The following BBS9 variants were observed in gnomAD, a reference collection of about 807,000 sequenced individuals.
BBS9 encodes the protein Bardet-Biedl syndrome 9.
In BBS9, 89 loss-of-function variants were observed where a neutral mutation model predicts 117.7. That is an observed-to-expected ratio of 0.76 (90% CI 0.64 to 0.90). BBS9 has a LOEUF of 0.90. Among genes scored for constraint, BBS9 ranks in the 40% least tolerant of loss-of-function variants. BBS9 has a pLI of 0.00. For missense variants in BBS9, 982 were observed against 1,042.2 expected (o/e 0.94, Z 0.80); for synonymous variants, 379 against 370.9 (o/e 1.02, Z -0.25).
chr7:33,392,672 G>C (rs1252102136), intron 19 of BBS9, among the ~76,000 whole-genome samples: 2 of 151,822 alleles, frequency 1.3e-5, no homozygotes, highest in African/African-American at 4.9e-5. Flanking sequence ...TATTTTAAAC[G>C]AACAGTTCTT....
At chr7:33,186,954 T>G (rs1463997672) in intron 5 of BBS9, among the ~76,000 whole-genome samples, 2 of 152,214 alleles carry the variant, frequency 1.3e-5, no homozygotes, top group African/African-American at 2.4e-5. Context: ...ATTTAAGATA[T>G]GTTAGTAATA....
intron 19 of BBS9, among the ~76,000 whole-genome samples, chr7:33,472,611 G>A (rs961998471): frequency 2.6e-5 from 4 of 152,332 alleles, no homozygotes; most frequent in African/African-American, 9.6e-5. Flanking sequence ...TTAGTTAACT[G>A]CTTGAGAGAT....
chr7:33,533,872 T>C, intron 20 of BBS9, 82 bp from the exon 21 acceptor site: 2 of 1,448,466 alleles, frequency 1.4e-6, no homozygotes, highest in Non-Finnish European at 1.9e-6. Flanking sequence ...ACATAAACAC[T>C]CAATAATCTG....
At chr7:33,602,248 TC>T (rs1421399459) in intron 21 of BBS9, among the ~76,000 whole-genome samples, 1 of 152,134 alleles carries the variant, frequency 6.6e-6, no homozygotes, top group Non-Finnish European at 1.5e-5. Flanking sequence ...GAACTAATCA[TC>T]TGGCATATTC....
chr7:33,560,381 T>G (rs1855911831), intron 21 of BBS9, among the ~76,000 whole-genome samples: 1 of 152,190 alleles, frequency 6.6e-6, no homozygotes, highest in Non-Finnish European at 1.5e-5. Flanking sequence ...CCTTTCTAAA[T>G]GAAGACATTT....
intron 19 of BBS9, among the ~76,000 whole-genome samples, chr7:33,417,658 G>T (rs1832223943): frequency 6.6e-6 from 1 of 152,220 alleles, no homozygotes; most frequent in Non-Finnish European, 1.5e-5. Flanking sequence ...TGGGAATTAA[G>T]AATGTTTTAG....
At chr7:33,522,403 C>A (rs1450007929) in intron 20 of BBS9, among the ~76,000 whole-genome samples, 1 of 150,450 alleles carries the variant, frequency 6.6e-6, no homozygotes, top group Non-Finnish European at 1.5e-5. Flanking sequence ...TCCTCTCCAG[C>A]ACCTGTTGTT....
rs1563251454 is a variant in BBS9, at chr7:33,492,209, A to AAC, written c.2116-13253_2116-13252insCA. Among the ~76,000 whole-genome samples the AAC allele has an allele frequency of 1.4e-5, 2 of 147,794 alleles. 1 individual carries two copies. The highest frequency in any genetic ancestry group is 4.0e-4 in the East Asian group (2 of 5,006). On this transcript the variant is annotated intron_variant, in intron 19 of 22. Transcript: ENST00000242067. Reference sequence around the variant, plus strand: ...CAAAGCAAGATTCCACCTCGAAAAAAAAAACAAAAAAAAAACAAAAAAAAA... The same window carrying AAC: ...CAAAGCAAGATTCCACCTCGAAAAAAACAAAACAAAAAAAAAACAAAAAAAAA...
At chr7:33,624,158 G>A (rs964027188) in intron 21 of BBS9, among the ~76,000 whole-genome samples, 2 of 152,154 alleles carry the variant, frequency 1.3e-5, no homozygotes, top group Non-Finnish European at 2.9e-5. Context: ...TTGGCCAAAA[G>A]AGCTTTTTGT....
At chr7:33,604,587 G>T (rs2129207158) in intron 21 of BBS9, among the ~76,000 whole-genome samples, 1 of 152,252 alleles carries the variant, frequency 6.6e-6, no homozygotes, top group South Asian at 2.1e-4. Flanking sequence ...GATAGGTTTT[G>T]TCCTTTCTGA....
chr7:33,208,001 G>A (rs1398361429), intron 5 of BBS9, among the ~76,000 whole-genome samples: 1 of 151,918 alleles, frequency 6.6e-6, no homozygotes, highest in African/African-American at 2.4e-5. Context: ...TAGAGATGGG[G>A]TTTCACCATG....
At chr7:33,420,282 T>C (rs1448445827) in intron 19 of BBS9, among the ~76,000 whole-genome samples, 4 of 152,218 alleles carry the variant, frequency 2.6e-5, no homozygotes, top group Admixed American at 2.6e-4. Context: ...GATAATGGAT[T>C]TGAAGACTGA....
intron 19 of BBS9, among the ~76,000 whole-genome samples, chr7:33,498,253 TAAGTA>T (rs1485498364): frequency 6.6e-6 from 1 of 152,226 alleles, no homozygotes; most frequent in African/African-American, 2.4e-5. Flanking sequence ...AATTGTTGCC[TAAGTA>T]AAGATGCCTT....
intron 5 of BBS9, among the ~76,000 whole-genome samples, chr7:33,199,900 CTT>C (rs1402984675): frequency 1.3e-5 from 2 of 151,736 alleles, no homozygotes; most frequent in East Asian, 3.8e-4. Context: ...TTCAAAATAA[CTT>C]TTAACCATGT....
rs201655079 is a variant in BBS9 at position 33,368,577 on chromosome 7, T to TACACACAC, written c.1789+748_1789+755dup. ...ACGAATCTGTATTGAGAGAAAAAAG[T>TACACACAC]ACACACACACACACACACACACACA... On this transcript the variant is annotated intron_variant, in intron 17 of 22. Transcript: ENST00000242067. Among the ~76,000 whole-genome samples, 656 of 128,452 alleles carry TACACACAC rather than the reference T, an allele frequency of 5.1e-3. 5 individuals are homozygous for TACACACAC. Among genetic ancestry groups the TACACACAC allele is most frequent in the South Asian group, 0.034 (133 of 3,966 alleles). The allele number at this position is 128,452 out of a possible 152,430, so 84.3% of individuals were successfully genotyped here.
chr7:33,344,339 G>A (rs1219267191), intron 11 of BBS9, among the ~76,000 whole-genome samples: 2 of 151,964 alleles, frequency 1.3e-5, no homozygotes, highest in Non-Finnish European at 2.9e-5. Context: ...AAAGTGCTGG[G>A]ATTACAGGCG....
chr7:33,141,627 G>GT (rs1363481084), intron 1 of BBS9, among the ~76,000 whole-genome samples: 9 of 152,146 alleles, frequency 5.9e-5, no homozygotes, highest in Non-Finnish European at 8.8e-5. Context: ...TTAAATTGAT[G>GT]TTAGTATAAT....
At chr7:33,227,493 T>C (rs1791512171) in intron 5 of BBS9, among the ~76,000 whole-genome samples, 1 of 152,110 alleles carries the variant, frequency 6.6e-6, no homozygotes, top group Non-Finnish European at 1.5e-5. Context: ...TCTTTGGGAA[T>C]GGGTGGTTTT....
intron 17 of BBS9, among the ~76,000 whole-genome samples, chr7:33,375,496 C>T (rs927370808): frequency 6.6e-6 from 1 of 151,628 alleles, no homozygotes; most frequent in Admixed American, 6.6e-5. Flanking sequence ...ATCTTGGACT[C>T]ATTGATTCTT....
Sources: allele counts gnomAD v4.1 joint callset (sites outside exome capture counted in the v4.1 genomes callset), GRCh38; gene constraint gnomAD v4.1.1; transcripts MANE v1.5; gene names NCBI Gene and HGNC (gene_info 2026-07-23, HGNC 2026-07-21).